Variants in SPATA16 observed in about 807,000 individuals in gnomAD.
The protein encoded by SPATA16 is spermatogenesis-associated protein 16.
A neutral mutation model predicts 63.3 loss-of-function variants in SPATA16; 36 were observed. The ratio of observed to expected loss-of-function variants is 0.57; its 90% CI spans 0.44 to 0.75. The LOEUF (loss-of-function observed/expected upper bound fraction) is 0.75, where lower values mean the gene tolerates loss of function less well. Among genes scored for constraint, SPATA16 ranks in the 30% least tolerant of loss-of-function variants. The pLI, the probability that SPATA16 is intolerant of heterozygous loss-of-function variation, is 0.00. For synonymous variants in SPATA16, 203 were observed against 216.7 expected, an observed-to-expected ratio of 0.94 and a Z score of 0.56; for missense variants, 646 against 679.3, an observed-to-expected ratio of 0.95 and a Z score of 0.54.
chr3:173,083,011 C>G (rs1042643390), intron 2 of SPATA16, among the ~76,000 whole-genome samples: 3 of 151,968 alleles, frequency 2.0e-5, no homozygotes, highest in Admixed American at 6.6e-5. Context: ...AAAAGAAATG[C>G]TAGTCATTTA....
intron 3 of SPATA16, among the ~76,000 whole-genome samples, chr3:173,029,179 A>G (rs560557010): frequency 1.3e-5 from 2 of 152,186 alleles, no homozygotes; most frequent in South Asian, 4.1e-4. Flanking sequence ...GACATGTAGA[A>G]TAAATTCCTC....
intron 8 of SPATA16, among the ~76,000 whole-genome samples, chr3:172,921,842 A>C (rs1184876101): frequency 6.6e-6 from 1 of 152,232 alleles, no homozygotes; most frequent in Non-Finnish European, 1.5e-5. Context: ...AAAATAGTTC[A>C]GAGGTTAAGT....
intron 2 of SPATA16, among the ~76,000 whole-genome samples, chr3:173,056,309 T>C (rs1192679119): frequency 6.6e-6 from 1 of 152,236 alleles, no homozygotes; most frequent in Non-Finnish European, 1.5e-5. Context: ...AATGATCTTT[T>C]AGTTTGTTAG....
chr3:172,925,223 A>G (rs1732700575), intron 7 of SPATA16, 123 bp downstream of exon 7: 4 of 1,062,856 alleles, frequency 3.8e-6, no homozygotes, highest in Non-Finnish European at 5.6e-6. Context: ...CCAGAATTCC[A>G]GGTATTGTTA....
At chr3:172,937,098 T>G (rs1733016115) in intron 6 of SPATA16, among the ~76,000 whole-genome samples, 1 of 152,138 alleles carries the variant, frequency 6.6e-6, no homozygotes, top group Non-Finnish European at 1.5e-5. Flanking sequence ...ACCTAGTTAG[T>G]GTCAGAAAGC....
At chr3:173,026,555 G>C (rs563877619) in intron 3 of SPATA16, among the ~76,000 whole-genome samples, 1 of 151,660 alleles carries the variant, frequency 6.6e-6, no homozygotes, top group South Asian at 2.1e-4. Context: ...TCTTCAAAAA[G>C]TTTGATAGTT....
intron 2 of SPATA16, among the ~76,000 whole-genome samples, chr3:173,096,853 G>A (rs528866856): frequency 8.4e-4 from 128 of 152,100 alleles, no homozygotes; most frequent in African/African-American, 3.0e-3. Flanking sequence ...TGTATCCTTA[G>A]CATGATGGAA....
intron 2 of SPATA16, among the ~76,000 whole-genome samples, chr3:173,112,261 T>C (rs896009111): frequency 6.6e-6 from 1 of 152,202 alleles, no homozygotes; most frequent in Non-Finnish European, 1.5e-5. Flanking sequence ...TTTTAAATTA[T>C]AAAATGTAGG....
At chr3:173,113,350 C>T (rs892069358) in intron 2 of SPATA16, among the ~76,000 whole-genome samples, 6 of 152,114 alleles carry the variant, frequency 3.9e-5, no homozygotes, top group East Asian at 1.9e-4. Context: ...TAAGAGCATA[C>T]GATGACTGTT....
chr3:172,993,719 C>A (rs1304072222), intron 4 of SPATA16, among the ~76,000 whole-genome samples: 3 of 152,066 alleles, frequency 2.0e-5, no homozygotes, highest in African/African-American at 7.2e-5. Flanking sequence ...ATACAAAAAA[C>A]TTCTAAGGGT....
intron 3 of SPATA16, among the ~76,000 whole-genome samples, chr3:173,042,067 G>A (rs750685948): frequency 1.3e-5 from 2 of 151,926 alleles, no homozygotes; most frequent in South Asian, 2.1e-4. Flanking sequence ...TAAAACTCAC[G>A]GGTATCTGTA....
In SPATA16 at chr3:173,008,425, G is replaced by A. The variant is rs1389238023; in HGVS notation, c.848+11061C>T. 3.3e-5 allele frequency among the ~76,000 whole-genome samples: 5 copies of A among 151,952 alleles called. No individual in the cohort carries two copies. In the South Asian group the frequency reaches 8.3e-4, roughly 25 times the overall value. ...ATCCGCAGCTCAGATTGTGCTAGGCGCTCACTGTTGATTTTCCCTATTTTG... is the reference window on the plus strand; with the variant it reads ...ATCCGCAGCTCAGATTGTGCTAGGCACTCACTGTTGATTTTCCCTATTTTG... On this transcript the variant is annotated intron_variant, in intron 4 of 10. Transcript: ENST00000351008.
chr3:173,002,106 C>T lies in SPATA16; in HGVS notation c.848+17380G>A, dbSNP rs562440406. 2.0e-3 allele frequency among the ~76,000 whole-genome samples: 301 copies of T among 152,172 alleles called. 1 individual carries two copies. Among genetic ancestry groups the T allele is most frequent in the African/African-American group, 6.9e-3 (288 of 41,524 alleles). On this transcript the variant is annotated intron_variant, in intron 4 of 10. Transcript: ENST00000351008. ...TTCATTTAATTCTAGAGGTTATAAT[C>T]GGATACTATCAATATTTATTTTGAT... is the stretch of plus-strand genomic sequence containing the variant.
intron 8 of SPATA16, among the ~76,000 whole-genome samples, chr3:172,919,600 T>C (rs1732573802): frequency 6.6e-6 from 1 of 152,230 alleles, no homozygotes; most frequent in South Asian, 2.1e-4. Context: ...TGAAAATTCA[T>C]GTTCTTTAGC....
In SPATA16 at chr3:173,132,324, G is replaced by A. The variant is rs142508397; in HGVS notation, c.-19+8779C>T. ...TTATTTAAAAAACCTTTGGAAACAT[G>A]TGAAACATAGTGAAAAGGTCTTAAC... is the stretch of plus-strand genomic sequence containing the variant. On this transcript the variant is annotated intron_variant, in intron 1 of 10. Transcript: ENST00000351008. Among the ~76,000 whole-genome samples the A allele has an allele frequency of 3.5e-3, 532 of 152,222 alleles. 3 individuals carry two copies. Among genetic ancestry groups the A allele is most frequent in the African/African-American group, 0.012 (500 of 41,570 alleles).
intron 3 of SPATA16, among the ~76,000 whole-genome samples, chr3:173,033,318 G>T (rs1735645834): frequency 6.6e-6 from 1 of 151,928 alleles, no homozygotes; most frequent in Non-Finnish European, 1.5e-5. Context: ...CATCTACATT[G>T]TAATCCCGAG....
chr3:173,135,331 A>G (rs1242055616), intron 1 of SPATA16, among the ~76,000 whole-genome samples: 1 of 152,234 alleles, frequency 6.6e-6, no homozygotes, highest in African/African-American at 2.4e-5. Context: ...AGTATATGGC[A>G]TAAGTGGAGC....
chr3:173,093,302 T>G (rs1737270725), intron 2 of SPATA16, among the ~76,000 whole-genome samples: 1 of 152,166 alleles, frequency 6.6e-6, no homozygotes, highest in Admixed American at 6.6e-5. Context: ...AAAATGGTAC[T>G]GATTAATGAA....
At chr3:172,952,776 C>T (rs1733470773) in intron 6 of SPATA16, among the ~76,000 whole-genome samples, 1 of 151,948 alleles carries the variant, frequency 6.6e-6, no homozygotes, top group Non-Finnish European at 1.5e-5. Flanking sequence ...CCCGTCTCTA[C>T]TAAAAATGCA....
Sources: gnomAD v4.1 joint callset for allele counts (sites outside exome capture counted in the v4.1 genomes callset) on GRCh38, gnomAD v4.1.1 for gene constraint, MANE v1.5 for transcripts, NCBI Gene and HGNC (gene_info 2026-07-23, HGNC 2026-07-21) for gene names.